The following DLG2 variants were observed in gnomAD, a reference collection of about 807,000 sequenced individuals.
DLG2 encodes the protein discs large MAGUK scaffold protein 2.
In DLG2, 45 loss-of-function variants were observed where a neutral mutation model predicts 132.5. The observed-to-expected ratio is 0.34, with a 90% CI of 0.27 to 0.44. DLG2 has a LOEUF of 0.44. Among genes scored for constraint, DLG2 ranks in the 20% least tolerant of loss-of-function variants. DLG2 has a pLI of 1.00. For synonymous variants in DLG2, 424 were observed against 419.6 expected, an observed-to-expected ratio of 1.01 and a Z score of -0.13; for missense variants, 1,045 against 1,196.9, an observed-to-expected ratio of 0.87 and a Z score of 1.87.
intron 2 of DLG2, among the ~76,000 whole-genome samples, chr11:85,607,049 C>T (rs1322180458): frequency 6.6e-6 from 1 of 152,148 alleles, no homozygotes; most frequent in Non-Finnish European, 1.5e-5. Flanking sequence ...CATGAAGGGA[C>T]CATCACCTTT....
intron 6 of DLG2, among the ~76,000 whole-genome samples, chr11:84,943,914 T>C (rs1400316730): frequency 6.6e-6 from 1 of 152,210 alleles, no homozygotes; most frequent in Non-Finnish European, 1.5e-5. Flanking sequence ...TTAGCATTTC[T>C]TAGAAGACAA....
chr11:84,061,433 C>T (rs1057115356), intron 10 of DLG2, among the ~76,000 whole-genome samples: 1 of 152,168 alleles, frequency 6.6e-6, no homozygotes, highest in African/African-American at 2.4e-5. Context: ...TTATTATCTA[C>T]ATTATAGAAA....
At chr11:84,186,548 G>T (rs1488717329) in intron 8 of DLG2, among the ~76,000 whole-genome samples, 1 of 151,876 alleles carries the variant, frequency 6.6e-6, no homozygotes, top group Non-Finnish European at 1.5e-5. Context: ...TTGTTAGATT[G>T]AAGTTTGTCA....
At chr11:84,270,612 A>G (rs2097708412) in intron 7 of DLG2, among the ~76,000 whole-genome samples, 1 of 152,206 alleles carries the variant, frequency 6.6e-6, no homozygotes, top group African/African-American at 2.4e-5. Flanking sequence ...ACATTGACTG[A>G]AAAACCAGTT....
chr11:84,176,335 A>G (rs1235229787), intron 8 of DLG2, among the ~76,000 whole-genome samples: 1 of 130,414 alleles, frequency 7.7e-6, no homozygotes, highest in African/African-American at 2.8e-5. Flanking sequence ...ATATATATAT[A>G]TTTGCATATA....
In DLG2 at chr11:83,930,403, C is replaced by T. The variant is rs148320541; in HGVS notation, c.1421G>A (p.Cys474Tyr). ...AGCTGAGAGGAGGAAGCTTTTGTCA[C>T]ACTCAACAGGGGAATAGTGCCTGGG... ...ASPRHYSPVE[C>Y]DKSFLLSAPY... Residue 474 changes from cysteine to tyrosine, a missense_variant, in exon 15 of 28, where the codon TGT becomes TAT. By Grantham distance (194) the Cys-to-Tyr change is radical. This residue lies in a region of DLG2 where 261 missense variants were observed against 256.1 expected (regional missense o/e 1.02). Transcript: ENST00000376104. The T allele has an allele frequency of 6.2e-7, 1 of 1,614,106 alleles. No homozygotes were observed. The highest frequency in any genetic ancestry group is 1.1e-5 in the South Asian group (1 of 91,078).
intron 6 of DLG2, among the ~76,000 whole-genome samples, chr11:84,988,461 T>C (rs930507378): frequency 6.6e-6 from 1 of 152,294 alleles, no homozygotes; most frequent in East Asian, 1.9e-4. Context: ...GTGGAACCAA[T>C]GTATATGCCC....
intron 16 of DLG2, among the ~76,000 whole-genome samples, chr11:83,864,081 A>G (rs1417809312): frequency 1.3e-5 from 2 of 152,190 alleles, no homozygotes; most frequent in Admixed American, 6.5e-5. Flanking sequence ...TGTGCTTAGG[A>G]GAAAAAAATT....
intron 8 of DLG2, among the ~76,000 whole-genome samples, chr11:84,220,780 C>CTTTTTTTTTTT (rs5793114): frequency 2.1e-3 from 161 of 77,468 alleles, no homozygotes; most frequent in African/African-American, 3.9e-3. Flanking sequence ...TTTTTCTTTT[C>CTTTTTTTTTTT]TTTTTTTTTT....
chr11:84,465,610 G>A (rs940932450), intron 7 of DLG2, among the ~76,000 whole-genome samples: 4 of 151,146 alleles, frequency 2.6e-5, no homozygotes, highest in African/African-American at 9.7e-5. Context: ...GGTTATTCAA[G>A]AATTTTTGGA....
intron 6 of DLG2, among the ~76,000 whole-genome samples, chr11:85,056,428 A>G (rs1335626694): frequency 6.6e-6 from 1 of 152,120 alleles, no homozygotes; most frequent in Admixed American, 6.6e-5. Flanking sequence ...AGAGAGTGGC[A>G]GTAAACCAGA....
intron 18 of DLG2, chr11:83,648,180 T>C (rs1038560259): frequency 3.9e-5 from 6 of 151,936 alleles, no homozygotes; most frequent in African/African-American, 9.7e-5. Context: ...GGCAAGAAAA[T>C]AGACAGTAAG....
chr11:84,421,832 C>T (rs185239618), intron 7 of DLG2, among the ~76,000 whole-genome samples: 1 of 152,284 alleles, frequency 6.6e-6, no homozygotes, highest in Non-Finnish European at 1.5e-5. Context: ...GGAATCTGTG[C>T]TTTGCTCTTT....
chr11:85,341,174 A>AG (rs1177852600), intron 3 of DLG2, among the ~76,000 whole-genome samples: 1 of 152,078 alleles, frequency 6.6e-6, no homozygotes, highest in East Asian at 1.9e-4. Flanking sequence ...GCTGGAGTGT[A>AG]GTGGCACGAT....
At chr11:85,533,925 C>T (rs1053431867) in intron 3 of DLG2, among the ~76,000 whole-genome samples, 1 of 152,132 alleles carries the variant, frequency 6.6e-6, no homozygotes, top group African/African-American at 2.4e-5. Flanking sequence ...TTAAGGAAAA[C>T]TCTAGGTTTA....
chr11:84,220,375 G>T (rs892743817), intron 8 of DLG2, among the ~76,000 whole-genome samples: 2 of 152,140 alleles, frequency 1.3e-5, no homozygotes, highest in Non-Finnish European at 2.9e-5. Context: ...AGAAGCTAGA[G>T]ATTTACTATT....
chr11:84,675,350 G>A (rs1295494305), intron 6 of DLG2, among the ~76,000 whole-genome samples: 1 of 152,112 alleles, frequency 6.6e-6, no homozygotes, highest in Non-Finnish European at 1.5e-5. Context: ...CTTCTCTCCT[G>A]GGAAGTTGCC....
intron 7 of DLG2, among the ~76,000 whole-genome samples, chr11:84,315,852 C>T (rs1042523573): frequency 2.0e-5 from 3 of 152,062 alleles, no homozygotes; most frequent in Non-Finnish European, 4.4e-5. Context: ...ATTCTCTGCA[C>T]CTGTCACCAT....
chr11:85,051,327 C>A (rs563456142), intron 6 of DLG2, among the ~76,000 whole-genome samples: 1 of 152,052 alleles, frequency 6.6e-6, no homozygotes, highest in Non-Finnish European at 1.5e-5. Context: ...CATTGGCATT[C>A]CCCCAAAATT....
Sources: allele counts gnomAD v4.1 joint callset (sites outside exome capture counted in the v4.1 genomes callset), GRCh38; gene constraint gnomAD v4.1.1; regional missense constraint gnomAD v4.1.1; transcripts MANE v1.5; gene names NCBI Gene and HGNC (gene_info 2026-07-23, HGNC 2026-07-21).